The following IMMP2L variants were observed in gnomAD, a reference collection of about 807,000 sequenced individuals.
The protein encoded by IMMP2L is inner mitochondrial membrane peptidase subunit 2, also known as mitochondrial inner membrane protease subunit 2.
In IMMP2L, 18 loss-of-function variants were observed where a neutral mutation model predicts 19.3. That is an observed-to-expected ratio of 0.93 (90% CI 0.64 to 1.38). IMMP2L has a LOEUF of 1.38. IMMP2L is among the 40% of genes most tolerant of loss of function. The probability of loss-of-function intolerance (pLI) is 0.00; values close to 1 mark genes in which losing one functional copy is unlikely to be tolerated. For missense variants in IMMP2L, 233 were observed against 218.2 expected, an observed-to-expected ratio of 1.07 and a Z score of -0.43; for synonymous variants, 76 against 73.0, an observed-to-expected ratio of 1.04 and a Z score of -0.21.
chr7:110,836,407 TA>T (rs1804477682), intron 5 of IMMP2L, among the ~76,000 whole-genome samples: 1 of 152,106 alleles, frequency 6.6e-6, no homozygotes, highest in South Asian at 2.1e-4. Flanking sequence ...ATGATAGAGG[TA>T]GGTCTTTCCT....
At chr7:111,539,162 A>AGGAC (rs1848187833) in intron 1 of IMMP2L, among the ~76,000 whole-genome samples, 1 of 57,032 alleles carries the variant, frequency 1.8e-5, no homozygotes, top group Non-Finnish European at 3.3e-5. Context: ...GAAGGAAGGA[A>AGGAC]GGAAGGAAGG....
chr7:111,141,436 C>T (rs1481102476), intron 3 of IMMP2L, among the ~76,000 whole-genome samples: 2 of 150,782 alleles, frequency 1.3e-5, no homozygotes, highest in African/African-American at 4.9e-5. Flanking sequence ...GGTTACATTT[C>T]TTTCTTTTTT....
intron 3 of IMMP2L, among the ~76,000 whole-genome samples, chr7:111,423,932 C>T (rs982852963): frequency 2.6e-5 from 4 of 151,760 alleles, no homozygotes; most frequent in African/African-American, 4.9e-5. Flanking sequence ...GTTAACTATA[C>T]TAATGGCTAC....
rs563406841 is a variant in IMMP2L, at chr7:111,320,020, T to TA, written c.239+167217dup. Among the ~76,000 whole-genome samples the TA allele has an allele frequency of 1.5e-4, 23 of 151,948 alleles. No individual in the cohort carries two copies. In the South Asian group the frequency reaches 4.2e-3, roughly 27 times the overall value. Reference sequence around the variant, plus strand: ...ATATTTCTGTGCATTAAAACCACTTTAAAAAAAATCTTCATCCCCACATCA... The same window carrying TA: ...ATATTTCTGTGCATTAAAACCACTTTAAAAAAAAATCTTCATCCCCACATCA... On this transcript the variant is annotated intron_variant, in intron 3 of 5. Coordinates refer to ENST00000405709, the MANE Select transcript of IMMP2L (RefSeq NM_032549.4).
At chr7:110,750,937 A>G (rs1474472211) in intron 5 of IMMP2L, among the ~76,000 whole-genome samples, 2 of 152,132 alleles carry the variant, frequency 1.3e-5, no homozygotes, top group Non-Finnish European at 1.5e-5. Flanking sequence ...TTGAAATTTT[A>G]ATAAATGTCT....
At chr7:111,561,766 G>C (rs1010516572) in intron 1 of IMMP2L, 85 bp downstream of exon 1, 1 of 152,742 alleles carries the variant, frequency 6.5e-6, no homozygotes, top group Non-Finnish European at 1.5e-5. Flanking sequence ...CCCACGAGCA[G>C]TTCTGGACAT....
intron 3 of IMMP2L, among the ~76,000 whole-genome samples, chr7:111,393,226 C>T (rs1400793043): frequency 6.6e-6 from 1 of 151,744 alleles, no homozygotes; most frequent in Non-Finnish European, 1.5e-5. Flanking sequence ...CAGGAAATTC[C>T]AAGGATTTCT....
chr7:110,844,530 G>A (rs1805452759), intron 5 of IMMP2L, among the ~76,000 whole-genome samples: 1 of 151,790 alleles, frequency 6.6e-6, no homozygotes, highest in Non-Finnish European at 1.5e-5. Flanking sequence ...AAACGGATGG[G>A]GGTCTTTTAT....
At chr7:110,897,829 CAT>C (rs1214937502) in intron 4 of IMMP2L, among the ~76,000 whole-genome samples, 1 of 151,948 alleles carries the variant, frequency 6.6e-6, no homozygotes, top group Non-Finnish European at 1.5e-5. Context: ...CAGAAAAGCA[CAT>C]GATATGATTT....
At chr7:111,212,390 C>A (rs60383797) in intron 3 of IMMP2L, among the ~76,000 whole-genome samples, 3 of 152,100 alleles carry the variant, frequency 2.0e-5, no homozygotes, top group African/African-American at 7.2e-5. Context: ...AGGTGGATTG[C>A]TAGAGTCCAG....
At chr7:110,691,515 TAAACAGAC>T (rs915006630) in intron 5 of IMMP2L, among the ~76,000 whole-genome samples, 3 of 152,056 alleles carry the variant, frequency 2.0e-5, no homozygotes, top group Non-Finnish European at 2.9e-5. Context: ...ATCATTAGAC[TAAACAGAC>T]AAACCACAGA....
intron 5 of IMMP2L, among the ~76,000 whole-genome samples, chr7:110,826,893 C>T (rs1034337201): frequency 1.5e-4 from 23 of 151,540 alleles, no homozygotes; most frequent in Middle Eastern, 3.2e-3. Flanking sequence ...AATAATTTTA[C>T]TCCTTCATCA....
In IMMP2L at chr7:111,402,104, T is replaced by G. The variant is rs181687683; in HGVS notation, c.239+85134A>C. Among the ~76,000 whole-genome samples, 1,134 of 146,384 alleles carry G rather than the reference T, an allele frequency of 7.7e-3. 11 individuals carry two copies. The highest frequency in any genetic ancestry group is 0.012 in the Non-Finnish European group (797 of 67,028). ...CCACTGCACTCCAGGCTGGACCACATAGCAAGACCCCATCTCAAAAATAAT... is the reference window on the plus strand; with the variant it reads ...CCACTGCACTCCAGGCTGGACCACAGAGCAAGACCCCATCTCAAAAATAAT... On this transcript the variant is annotated intron_variant, in intron 3 of 5. Transcript: ENST00000405709.
At chr7:111,369,292 C>A (rs1830064854) in intron 3 of IMMP2L, among the ~76,000 whole-genome samples, 1 of 151,918 alleles carries the variant, frequency 6.6e-6, no homozygotes, top group African/African-American at 2.4e-5. Flanking sequence ...AACAATGCAT[C>A]TTCTATAGGT....
At chr7:111,551,554 T>C (rs1296267017) in intron 1 of IMMP2L, among the ~76,000 whole-genome samples, 1 of 151,110 alleles carries the variant, frequency 6.6e-6, no homozygotes, top group Non-Finnish European at 1.5e-5. Context: ...GCTTTGGTCA[T>C]CGGTGAGGAA....
At chr7:110,927,265 G>A (rs1481827783) in intron 4 of IMMP2L, among the ~76,000 whole-genome samples, 3 of 151,988 alleles carry the variant, frequency 2.0e-5, no homozygotes, top group Non-Finnish European at 2.9e-5. Flanking sequence ...TCAACTACCT[G>A]AGCCGTATAG....
At chr7:110,693,774 C>A (rs531705780) in intron 5 of IMMP2L, among the ~76,000 whole-genome samples, 1 of 152,162 alleles carries the variant, frequency 6.6e-6, no homozygotes, top group African/African-American at 2.4e-5. Flanking sequence ...AAGAACCTCA[C>A]ACAAAGAGAA....
intron 5 of IMMP2L, among the ~76,000 whole-genome samples, chr7:110,782,857 A>G (rs1027912273): frequency 2.6e-5 from 4 of 151,916 alleles, no homozygotes; most frequent in African/African-American, 9.7e-5. Flanking sequence ...GACTAAGAAT[A>G]GAGATTCAAA....
chr7:111,538,314 G>T (rs1848082109), intron 1 of IMMP2L, among the ~76,000 whole-genome samples: 1 of 151,964 alleles, frequency 6.6e-6, no homozygotes, highest in Non-Finnish European at 1.5e-5. Flanking sequence ...GGCCTTGATT[G>T]AACAGCACTG....
Sources: allele counts gnomAD v4.1 joint callset (sites outside exome capture counted in the v4.1 genomes callset), GRCh38; gene constraint gnomAD v4.1.1; transcripts MANE v1.5; gene names NCBI Gene and HGNC (gene_info 2026-07-23, HGNC 2026-07-21).